The following FAAH2 variants were observed in gnomAD, a reference collection of about 807,000 sequenced individuals.
The protein encoded by FAAH2 is fatty-acid amide hydrolase 2.
In FAAH2, 60 loss-of-function variants were observed where a neutral mutation model predicts 36.9. The ratio of observed to expected loss-of-function variants is 1.63; its 90% CI spans 1.32 to 2.02. The LOEUF (loss-of-function observed/expected upper bound fraction) is 2.02, where lower values mean the gene tolerates loss of function less well. FAAH2 is among the 30% of genes most tolerant of loss of function. The pLI is 0.00. For missense variants in FAAH2, 689 were observed against 397.5 expected, an observed-to-expected ratio of 1.73 and a Z score of -6.23; for synonymous variants, 214 against 143.8, an observed-to-expected ratio of 1.49 and a Z score of -3.49.
intron 10 of FAAH2, among the ~76,000 whole-genome samples, chrX:57,481,467 T>C (rs1268985415): frequency 8.9e-6 from 1 of 111,883 alleles, no homozygotes; most frequent in African/African-American, 3.3e-5. Flanking sequence ...TTGCTTTCTG[T>C]TTATTAGTTT....
chrX:57,381,395 T>C (rs1415959424), intron 7 of FAAH2, among the ~76,000 whole-genome samples: 1 of 111,951 alleles, frequency 8.9e-6, no homozygotes, highest in African/African-American at 3.2e-5. Context: ...CTGAGCTTTA[T>C]TTTAAAATAC....
chrX:57,240,519 G>A, the FAAH2 span, among the ~76,000 whole-genome samples: 4 of 111,558 alleles, frequency 3.6e-5, no homozygotes, highest in African/African-American at 6.5e-5. Flanking sequence ...TGTGTCAGCA[G>A]GATCGGTGTG....
At chrX:57,403,263 C>A (rs760476552) in intron 7 of FAAH2, among the ~76,000 whole-genome samples, 3 of 112,459 alleles carry the variant, frequency 2.7e-5, no homozygotes, top group Non-Finnish European at 3.8e-5. Context: ...ATTAGTCTTA[C>A]AGCGTCCTCT....
chrX:57,153,272 A>T, the FAAH2 span, among the ~76,000 whole-genome samples: 2 of 111,494 alleles, frequency 1.8e-5, no homozygotes, highest in African/African-American at 6.5e-5. Context: ...GTGTTAGGTG[A>T]GTCTCTTGAA....
chrX:57,179,205 A>G, the FAAH2 span, among the ~76,000 whole-genome samples: 1 of 111,651 alleles, frequency 9.0e-6, no homozygotes, highest in Non-Finnish European at 1.9e-5. Context: ...GTATAAAGCA[A>G]CTATACAAAA....
chrX:57,481,067 C>T (rs1396541745), intron 10 of FAAH2, among the ~76,000 whole-genome samples: 6 of 109,319 alleles, frequency 5.5e-5, no homozygotes, highest in Non-Finnish European at 9.5e-5. Flanking sequence ...TCACGAAGTT[C>T]TCATGCTTTT....
the FAAH2 span, among the ~76,000 whole-genome samples, chrX:57,249,525 G>A: frequency 1.8e-5 from 2 of 112,107 alleles, no homozygotes; most frequent in Non-Finnish European, 3.8e-5. Flanking sequence ...AGTTGCACAC[G>A]TGCATGCAGG....
intron 8 of FAAH2, among the ~76,000 whole-genome samples, chrX:57,435,260 A>C (rs918577243): frequency 4.5e-5 from 5 of 112,092 alleles, no homozygotes; most frequent in Non-Finnish European, 7.5e-5. Flanking sequence ...AATTTCACCA[A>C]ACCATAAAGA....
the FAAH2 span, among the ~76,000 whole-genome samples, chrX:57,149,424 A>T: frequency 2.5e-4 from 28 of 111,606 alleles, no homozygotes; most frequent in Admixed American, 2.2e-3. Context: ...GATTATTGCC[A>T]CAATTTCAGA....
upstream of FAAH2, chrX:57,286,705 T>G (rs1487064310): frequency 1.2e-5 from 8 of 685,030 alleles, no homozygotes. Context: ...GAATTGTGGG[T>G]AGACACTGGA....
At chrX:57,338,205 G>A (rs926373507) in intron 4 of FAAH2, among the ~76,000 whole-genome samples, 3 of 111,425 alleles carry the variant, frequency 2.7e-5, no homozygotes, top group Non-Finnish European at 3.8e-5. Flanking sequence ...ATAAGATGTG[G>A]GTAGGTAAAG....
chrX:57,458,176 G>A (rs890486429), intron 10 of FAAH2, among the ~76,000 whole-genome samples: 3 of 111,590 alleles, frequency 2.7e-5, no homozygotes, highest in Non-Finnish European at 3.8e-5. Flanking sequence ...AACAAAATGA[G>A]CAAAAGTAAG....
chrX:57,328,922 C>T (rs1191516672), intron 3 of FAAH2, among the ~76,000 whole-genome samples: 5 of 111,412 alleles, frequency 4.5e-5, no homozygotes, highest in Non-Finnish European at 9.4e-5. Context: ...GGTTAGGAAC[C>T]TTCTGGGAGG....
chrX:57,315,101 T>G (rs2052799681), intron 3 of FAAH2, among the ~76,000 whole-genome samples: 1 of 111,361 alleles, frequency 9.0e-6, no homozygotes, highest in Non-Finnish European at 1.9e-5. Flanking sequence ...ACTTATTTCA[T>G]GGAAATACGA....
At chrX:57,179,417 G>A in the FAAH2 span, among the ~76,000 whole-genome samples, 1 of 111,486 alleles carries the variant, frequency 9.0e-6, no homozygotes, top group Admixed American at 9.5e-5. Context: ...AAAATAAAGG[G>A]ATAAAGAAAA....
chrX:57,295,531 G>A (rs1028462841), intron 2 of FAAH2, among the ~76,000 whole-genome samples: 1 of 112,028 alleles, frequency 8.9e-6, no homozygotes, highest in African/African-American at 3.2e-5. Context: ...CAGCGTAAGC[G>A]ACGCAGAAGA....
intron 10 of FAAH2, among the ~76,000 whole-genome samples, chrX:57,450,517 G>T (rs2056764713): frequency 9.0e-6 from 1 of 111,605 alleles, no homozygotes; most frequent in African/African-American, 3.3e-5. Flanking sequence ...TGTTTTTATT[G>T]TCTTTACTAA....
chrX:57,144,306 T>C, the FAAH2 span, among the ~76,000 whole-genome samples: 1 of 110,213 alleles, frequency 9.1e-6, no homozygotes, highest in Non-Finnish European at 1.9e-5. Flanking sequence ...TTAGTTTGAG[T>C]CTTCTTGGTG....
At chrX:57,410,841 T>C (rs1053109257) in intron 7 of FAAH2, among the ~76,000 whole-genome samples, 1 of 112,106 alleles carries the variant, frequency 8.9e-6, no homozygotes, top group African/African-American at 3.2e-5. Context: ...CCTGAATTCA[T>C]TTAGTTGTCT....
Sources: allele counts gnomAD v4.1 joint callset (sites outside exome capture counted in the v4.1 genomes callset), GRCh38; gene constraint gnomAD v4.1.1; transcripts MANE v1.5; gene names NCBI Gene and HGNC (gene_info 2026-07-23, HGNC 2026-07-21).